The following TRMT44 variants were observed in gnomAD, a reference collection of about 807,000 sequenced individuals.
The protein encoded by TRMT44 is tRNA methyltransferase 44 homolog.
A neutral mutation model predicts 77.3 loss-of-function variants in TRMT44; 78 were observed. That is an observed-to-expected ratio of 1.01 (90% CI 0.84 to 1.22). The LOEUF is 1.22. Ranked by LOEUF, TRMT44 falls within the 50% of genes most tolerant of loss-of-function variation. The pLI, the probability that TRMT44 is intolerant of heterozygous loss-of-function variation, is 0.00. For synonymous variants in TRMT44, 391 were observed against 383.3 expected, an observed-to-expected ratio of 1.02 and a Z score of -0.23; for missense variants, 1,090 against 964.4, an observed-to-expected ratio of 1.13 and a Z score of -1.73.
chr4:8,495,735 C>T (rs368125786), downstream of TRMT44, among the ~76,000 whole-genome samples: 32 of 152,308 alleles, frequency 2.1e-4, no homozygotes, highest in African/African-American at 7.2e-4. Flanking sequence ...GCAGGAGAAT[C>T]GGGTCTGGAG....
At chr4:8,495,690 GCA>G (rs1728131008), downstream of TRMT44, among the ~76,000 whole-genome samples, 1 of 152,108 alleles carries the variant, frequency 6.6e-6, no homozygotes, top group African/African-American at 2.4e-5. Context: ...GTGTCTCAGC[GCA>G]CACCCTGTCC....
chr4:8,467,924 T>C lies in TRMT44; in HGVS notation c.1505T>C (p.Val502Ala), dbSNP rs369164973. 6.2e-7 allele frequency: 1 copy of C among 1,601,368 alleles called. No homozygotes were observed. The highest frequency in any genetic ancestry group is 8.5e-7 in the Non-Finnish European group (1 of 1,170,776). Reference protein sequence around the residue: ...RIPSTKRVCLVGKSRTYPSSR... With the variant: ...RIPSTKRVCLAGKSRTYPSSR... The stretch of plus-strand genomic sequence containing the variant: ...TTTCTTCAAACGCAGGTCTGTCTCG[T>C]TGGAAAATCCAGAACATACCCTTCC... The change falls in exon 9 of 11, where the codon GTT becomes GCT. Residue 502 changes from valine to alanine, a missense_variant. Transcript: ENST00000389737.
chr4:8,507,698 C>T, the TRMT44 span, among the ~76,000 whole-genome samples: 7 of 152,194 alleles, frequency 4.6e-5, no homozygotes, highest in Non-Finnish European at 7.3e-5. Context: ...CCCCTGGTCA[C>T]CTGGAGGCAG....
At chr4:8,464,689 C>G (rs1255657995) in intron 7 of TRMT44, among the ~76,000 whole-genome samples, 1 of 152,174 alleles carries the variant, frequency 6.6e-6, no homozygotes, top group Non-Finnish European at 1.5e-5. Context: ...TTAACCGTTC[C>G]TATTAAAAGC....
At chr4:8,511,507 T>G in the TRMT44 span, among the ~76,000 whole-genome samples, 1 of 152,296 alleles carries the variant, frequency 6.6e-6, no homozygotes, top group East Asian at 1.9e-4. Context: ...GGCTTGGTGC[T>G]GGTCATTACC....
chr4:8,510,759 G>A, the TRMT44 span: 9 of 152,602 alleles, frequency 5.9e-5, no homozygotes, highest in African/African-American at 1.9e-4. Flanking sequence ...GAAGCTGGGG[G>A]GCTGCCCTGG....
chr4:8,479,264 G>GA (rs5856011), downstream of TRMT44: 74,485 of 151,174 alleles, frequency 0.49, 18,528 homozygotes, highest in Admixed American at 0.55. Flanking sequence ...TTTTTGCTTG[G>GA]AAACTATATT....
intron 2 of TRMT44, among the ~76,000 whole-genome samples, chr4:8,486,161 C>T (rs768452284): frequency 4.6e-5 from 7 of 152,156 alleles, no homozygotes; most frequent in East Asian, 1.9e-4. Context: ...AGTGGGGTCC[C>T]GCACAGATGG....
downstream of TRMT44, among the ~76,000 whole-genome samples, chr4:8,496,649 T>A (rs1728159218): frequency 6.6e-6 from 1 of 152,174 alleles, no homozygotes; most frequent in Non-Finnish European, 1.5e-5. Context: ...AGCTGTGTGA[T>A]TAATTAGAAA....
intron 6 of TRMT44, among the ~76,000 whole-genome samples, chr4:8,456,138 T>C (rs769341210): frequency 2.2e-4 from 34 of 152,224 alleles, no homozygotes; most frequent in Admixed American, 2.6e-4. Flanking sequence ...GAATCATAAT[T>C]GCATGAAACT....
chr4:8,475,353 CCT>C (rs1192638383), intron 10 of TRMT44, among the ~76,000 whole-genome samples: 1 of 152,206 alleles, frequency 6.6e-6, no homozygotes, highest in Non-Finnish European at 1.5e-5. Context: ...GCAGGACCTG[CCT>C]CTCAGCCAGA....
rs944588280 is a variant in TRMT44 at position 8,449,677 on chromosome 4, C to T, written c.743C>T (p.Ser248Phe). ...TTCTCTTATTTTTAAAGGTTCATAT[C>T]TGTTTTAATTTTCTGTCCAGAAAGA... is the stretch of plus-strand genomic sequence containing the variant. ...LSHSKEEWFI[S>F]VLIFCPERWH... Residue 248 changes from serine to phenylalanine, a missense_variant, in exon 3 of 11, where the codon TCT becomes TTT. Physicochemically the swap from Ser to Phe is radical, Grantham distance 155. Transcript: ENST00000389737. 7 of 1,534,564 alleles carry T rather than the reference C, an allele frequency of 4.6e-6. No homozygotes were observed. The highest frequency in any genetic ancestry group is 6.1e-6 in the Non-Finnish European group (7 of 1,145,812).
intron 2 of TRMT44, 100 bp from the exon 3 acceptor site, chr4:8,449,569 T>C: frequency 1.1e-6 from 1 of 932,610 alleles, no homozygotes; most frequent in South Asian, 1.8e-5. Flanking sequence ...GTAATATAGA[T>C]GTCTTAGCTT....
Position 8,451,225 on chromosome 4 carries a change from T to G in TRMT44, c.955-735T>G, listed in dbSNP as rs149586506. ...TCCCTCCCACATCCTGGCCTCGTGG[T>G]CCTTTGCCATCTTGTTAGCTATTTG... On this transcript the variant is annotated intron_variant, in intron 3 of 10. Transcript: ENST00000389737. This position sits in a 1 kb window ranked among gnomAD's most constrained non-coding sequence, Gnocchi z 4.1. Among the ~76,000 whole-genome samples the G allele has an allele frequency of 8.3e-3, 1,270 of 152,278 alleles. 5 individuals carry two copies. The highest frequency in any genetic ancestry group is 0.033 in the South Asian group (160 of 4,814).
At position 8,447,664 on chromosome 4, in the gene TRMT44, T is replaced by C. The variant is rs548782346; in HGVS notation, c.734+1074T>C. On this transcript the variant is annotated intron_variant, in intron 2 of 10. Coordinates refer to ENST00000389737, the MANE Select transcript of TRMT44 (RefSeq NM_152544.3). ...GCCTCACATGGATCTGTTGCAGCCTTCGTGCTTGAAAGGGGTGCTCAGGCC... is the reference window on the plus strand; with the variant it reads ...GCCTCACATGGATCTGTTGCAGCCTCCGTGCTTGAAAGGGGTGCTCAGGCC... Among the ~76,000 whole-genome samples the C allele has an allele frequency of 1.1e-4, 16 of 152,278 alleles. No individual in the cohort carries two copies. The East Asian group carries it at 2.9e-3, about 28-fold the overall frequency.
At chr4:8,493,783 C>T (rs1172257068), downstream of TRMT44, among the ~76,000 whole-genome samples, 3 of 151,938 alleles carry the variant, frequency 2.0e-5, no homozygotes, top group East Asian at 1.9e-4. Context: ...CAGCAGCTGT[C>T]GCTTTGTCCT....
At chr4:8,504,758 C>T in the TRMT44 span, among the ~76,000 whole-genome samples, 1 of 152,142 alleles carries the variant, frequency 6.6e-6, no homozygotes, top group East Asian at 1.9e-4. This position sits in a 1 kb window ranked among gnomAD's most constrained non-coding sequence, Gnocchi z 5.3. Flanking sequence ...ACCCAGGCAC[C>T]CTGGCTGCAC....
chr4:8,481,969 A>G (rs1727628283), intron 2 of TRMT44, among the ~76,000 whole-genome samples: 1 of 152,234 alleles, frequency 6.6e-6, no homozygotes, highest in South Asian at 2.1e-4. Flanking sequence ...GCCTGTAAGC[A>G]GATAAGGCAC....
chr4:8,490,633 A>G (rs1013260923), intron 2 of TRMT44, among the ~76,000 whole-genome samples: 4 of 152,164 alleles, frequency 2.6e-5, no homozygotes, highest in African/African-American at 9.7e-5. Flanking sequence ...GTGAAGCTGC[A>G]GACCTTCGCG....
Sources: allele counts gnomAD v4.1 joint callset (sites outside exome capture counted in the v4.1 genomes callset), GRCh38; gene constraint gnomAD v4.1.1; non-coding constraint Gnocchi (gnomAD v3.1); transcripts MANE v1.5; gene names NCBI Gene and HGNC (gene_info 2026-07-23, HGNC 2026-07-21).